ULK4: variants seen among roughly 807,000 people sequenced by gnomAD.
ULK4 encodes inactive serine/threonine-protein kinase ULK4.
A neutral mutation model predicts 160.6 loss-of-function variants in ULK4; 133 were observed. The ratio of observed to expected loss-of-function variants is 0.83; its 90% confidence interval spans 0.72 to 0.96. The LOEUF is 0.96. Among genes scored for constraint, ULK4 ranks in the 40% least tolerant of loss-of-function variants. The probability of loss-of-function intolerance (pLI) is 0.00; values close to 1 mark genes in which losing one functional copy is unlikely to be tolerated. For missense variants in ULK4, 1,580 were observed against 1,499.5 expected (o/e 1.05, Z -0.89); for synonymous variants, 534 against 539.8 (o/e 0.99, Z 0.15).
At chr3:41,961,550 A>ACCCCCCCTCCCCCCCCCCCCC (rs1700669869) in intron 1 of ULK4, among the ~76,000 whole-genome samples, 1 of 124,674 alleles carries the variant, frequency 8.0e-6, no homozygotes, top group Admixed American at 7.4e-5. Flanking sequence ...GTAGTCACTC[A>ACCCCCCCTCCCCCCCCCCCCC]CCCCCCCCCC....
intron 32 of ULK4, among the ~76,000 whole-genome samples, chr3:41,464,073 G>A (rs1472278584): frequency 6.6e-6 from 1 of 151,814 alleles, no homozygotes; most frequent in East Asian, 1.9e-4. Context: ...GAAAAGCACG[G>A]CAAGGAAGTC....
intron 30 of ULK4, among the ~76,000 whole-genome samples, chr3:41,631,983 C>A (rs1450980985): frequency 6.6e-6 from 1 of 152,200 alleles, no homozygotes; most frequent in African/African-American, 2.4e-5. Context: ...GGGTCCTGAG[C>A]CTTCACTCTC....
chr3:41,268,813 CAAAA>C (rs1176923529), intron 35 of ULK4, among the ~76,000 whole-genome samples: 4 of 29,084 alleles, frequency 1.4e-4, no homozygotes, highest in Non-Finnish European at 2.7e-4. Flanking sequence ...CACACACACA[CAAAA>C]AAAAAAAAAA....
At chr3:41,261,907 G>C (rs1399112520) in intron 35 of ULK4, among the ~76,000 whole-genome samples, 2 of 152,192 alleles carry the variant, frequency 1.3e-5, no homozygotes, top group East Asian at 3.8e-4. Context: ...GATGAGAAGT[G>C]AATCAACAGT....
At chr3:41,330,842 G>C (rs1363487019) in intron 35 of ULK4, among the ~76,000 whole-genome samples, 2 of 152,192 alleles carry the variant, frequency 1.3e-5, no homozygotes, top group Non-Finnish European at 2.9e-5. Flanking sequence ...ACAGAGGTCA[G>C]AGAGAAGCAG....
chr3:41,527,437 G>A (rs1461776575), intron 32 of ULK4, among the ~76,000 whole-genome samples: 1 of 152,228 alleles, frequency 6.6e-6, no homozygotes, highest in Non-Finnish European at 1.5e-5. Flanking sequence ...TGTCACAACT[G>A]TAAGACAATG....
intron 17 of ULK4, among the ~76,000 whole-genome samples, chr3:41,845,122 C>A (rs190622671): frequency 6.6e-6 from 1 of 152,128 alleles, no homozygotes; most frequent in Non-Finnish European, 1.5e-5. Context: ...CCCACCACCA[C>A]GCCCGGCTAA....
intron 6 of ULK4, 122 bp from the exon 7 acceptor site, chr3:41,918,662 C>T (rs374980080): frequency 9.4e-5 from 47 of 500,504 alleles, no homozygotes; most frequent in South Asian, 4.1e-4. Context: ...AGTGCAGTGG[C>T]GCAATCTCGG....
intron 34 of ULK4, among the ~76,000 whole-genome samples, chr3:41,404,226 A>ATTTTTTTTTTTTTTTT (rs60508995): frequency 3.0e-5 from 4 of 131,866 alleles, no homozygotes; most frequent in African/African-American, 5.5e-5. Context: ...TAGCTCTATC[A>ATTTTTTTTTTTTTTTT]TTTTTTTTTT....
intron 22 of ULK4, among the ~76,000 whole-genome samples, chr3:41,741,876 C>T (rs904014098): frequency 6.6e-6 from 1 of 151,878 alleles, no homozygotes; most frequent in African/African-American, 2.4e-5. Flanking sequence ...TGAGGAACAA[C>T]ATAGCAGTAA....
chr3:41,374,705 T>A (rs1183990356), intron 35 of ULK4, among the ~76,000 whole-genome samples: 1 of 152,138 alleles, frequency 6.6e-6, no homozygotes, highest in Non-Finnish European at 1.5e-5. Flanking sequence ...AAAGCTGGAA[T>A]CATTCCTTTG....
At chr3:41,803,433 C>A (rs1575735712) in intron 19 of ULK4, among the ~76,000 whole-genome samples, 1 of 152,106 alleles carries the variant, frequency 6.6e-6, no homozygotes, top group Admixed American at 6.6e-5. Flanking sequence ...ATCCATAAAG[C>A]TTCTAGAAGA....
At chr3:41,590,502 G>A (rs998857399) in intron 31 of ULK4, among the ~76,000 whole-genome samples, 5 of 150,210 alleles carry the variant, frequency 3.3e-5, no homozygotes, top group African/African-American at 7.3e-5. Flanking sequence ...CGGGCATGGT[G>A]GTGTACGCCT....
intron 32 of ULK4, among the ~76,000 whole-genome samples, chr3:41,506,773 T>TAA (rs2085400634): frequency 1.5e-4 from 3 of 20,108 alleles, no homozygotes; most frequent in Admixed American, 7.0e-4. Context: ...TTAAAATATA[T>TAA]ATATATATAT....
At chr3:41,714,855 A>AAAAAAAAAAAAAG (rs2037212724) in intron 25 of ULK4, among the ~76,000 whole-genome samples, 3 of 151,528 alleles carry the variant, frequency 2.0e-5, no homozygotes, top group Admixed American at 6.6e-5. Context: ...CTGTCTTTAA[A>AAAAAAAAAAAAAG]AAAAAAAAAG....
In ULK4 at chr3:41,676,501, T is replaced by TA. The variant is rs1472946814; in HGVS notation, c.2978+5006dup. On this transcript the variant is annotated intron_variant, in intron 29 of 36. Transcript: ENST00000301831. ...ATGCTCCCTCCAAATTTACTAACAT[T>TA]ATATAGACCCAAAGTTTAATAAAGG... Among the ~76,000 whole-genome samples, 4 of 152,102 alleles carry TA rather than the reference T, an allele frequency of 2.6e-5. No homozygotes were observed. The East Asian group carries it at 7.7e-4, about 29-fold the overall frequency.
intron 30 of ULK4, among the ~76,000 whole-genome samples, chr3:41,658,735 A>ACACACACACACACACACTGT (rs59048058): frequency 8.8e-4 from 116 of 131,444 alleles, no homozygotes; most frequent in African/African-American, 3.1e-3. Flanking sequence ...CAGTACACAC[A>ACACACACACACACACACTGT]CACACACACA....
intron 33 of ULK4, among the ~76,000 whole-genome samples, chr3:41,456,054 C>T (rs72871113): frequency 0.02 from 3,082 of 152,250 alleles, 114 homozygotes; most frequent in African/African-American, 0.069. Flanking sequence ...AGATTACAGG[C>T]TCTTGCCACC....
intron 12 of ULK4, among the ~76,000 whole-genome samples, chr3:41,904,097 T>G (rs1181893258): frequency 1.3e-5 from 2 of 152,042 alleles, no homozygotes; most frequent in Non-Finnish European, 2.9e-5. Context: ...TTTTTACAAT[T>G]ATATATGTTT....
Sources: allele counts gnomAD v4.1 joint callset (sites outside exome capture counted in the v4.1 genomes callset), GRCh38; gene constraint gnomAD v4.1.1; transcripts MANE v1.5; gene names NCBI Gene and HGNC (gene_info 2026-07-23, HGNC 2026-07-21).